Variants in PPP6R1 observed in about 807,000 individuals in gnomAD.
The protein encoded by PPP6R1 is serine/threonine-protein phosphatase 6 regulatory subunit 1.
PPP6R1 carries 39 observed loss-of-function variants against 104.6 expected under a neutral mutation model. The observed-to-expected ratio is 0.37, with a 90% CI of 0.29 to 0.49. PPP6R1 has a LOEUF of 0.49. PPP6R1 is among the 20% of genes least tolerant of loss of function. The pLI, the probability that PPP6R1 is intolerant of heterozygous loss-of-function variation, is 0.98. For synonymous variants in PPP6R1, 549 were observed against 479.0 expected (o/e 1.15, Z -1.91); for missense variants, 1,181 against 1,155.8 (o/e 1.02, Z -0.32).
chr19:55,229,741 C>T (rs2087321683), downstream of PPP6R1: 1 of 152,272 alleles, frequency 6.6e-6, no homozygotes, highest in African/African-American at 2.4e-5. Context: ...ACAGGCTCCC[C>T]ACCCCGCATC....
chr19:55,239,939 G>C (rs751134724), intron 12 of PPP6R1, 28 bp from the exon 13 acceptor site: 6 of 1,613,210 alleles, frequency 3.7e-6, no homozygotes, highest in Non-Finnish European at 5.1e-6. Context: ...GTGAAGACGT[G>C]AGGCATCTCG....
chr19:55,242,340 A>G, intron 6 of PPP6R1, 36 bp downstream of exon 6: 1 of 1,612,008 alleles, frequency 6.2e-7, no homozygotes, highest in Non-Finnish European at 8.5e-7. Context: ...TCCCCAAGTC[A>G]GCTCCCCCCA....
intron 5 of PPP6R1, among the ~76,000 whole-genome samples, chr19:55,244,073 A>G (rs918513181): frequency 1.3e-5 from 2 of 152,232 alleles, no homozygotes; most frequent in African/African-American, 4.8e-5. Context: ...AAGCTGCTAC[A>G]AAAGAGAGAA....
In PPP6R1 at chr19:55,236,946, G is replaced by C; in HGVS notation, c.1776C>G (p.Asn592Lys). The C allele has an allele frequency of 6.2e-7, 1 of 1,613,262 alleles. No homozygotes were observed. The highest frequency in any genetic ancestry group is 8.5e-7 in the Non-Finnish European group (1 of 1,179,216). ...CGTCAGCATTGAGGGAGAAGGTGAT[G>C]TTGGCTGTCTTGTCAAAAGGTGCGC... ...SVNAPFDKTA[N>K]ITFSLNADDE... Residue 592 changes from asparagine to lysine, a missense_variant, in exon 16 of 24, where the codon AAC (asparagine) becomes AAG (lysine). This residue lies in a region of PPP6R1 where 1,042 missense variants were observed against 955.6 expected (regional missense o/e 1.09). Coordinates refer to ENST00000412770, the MANE Select transcript of PPP6R1 (RefSeq NM_014931.4).
At chr19:55,231,734 G>C in intron 19 of PPP6R1, 66 bp from the exon 20 acceptor site, 3 of 1,505,326 alleles carry the variant, frequency 2.0e-6, no homozygotes, top group Non-Finnish European at 2.7e-6. Context: ...TGAGAGGACG[G>C]GGACCCCATG....
At chr19:55,251,781 C>A (rs2087555468) in intron 1 of PPP6R1, among the ~76,000 whole-genome samples, 1 of 152,174 alleles carries the variant, frequency 6.6e-6, no homozygotes, top group Non-Finnish European at 1.5e-5. Flanking sequence ...AGGTGACTCA[C>A]CAGCGTGCTG....
chr19:55,240,816 C>G, intron 10 of PPP6R1, 129 bp downstream of exon 10: 1 of 1,326,332 alleles, frequency 7.5e-7, no homozygotes, highest in East Asian at 2.5e-5. Flanking sequence ...CACACCCCAT[C>G]TGGGCGCTGG....
chr19:55,255,726 G>C (rs953905428), intron 1 of PPP6R1: 1 of 152,526 alleles, frequency 6.6e-6, no homozygotes, highest in South Asian at 2.1e-4. Flanking sequence ...GCCCTCAGCC[G>C]GGGCTGGGCT....
chr19:55,230,269 TTCTC>T lies in PPP6R1; in HGVS notation c.*255_*258del. On this transcript the variant is annotated 3_prime_UTR_variant, in exon 24 of 24. Coordinates refer to ENST00000412770, the MANE Select transcript of PPP6R1 (RefSeq NM_014931.4). ...TCTCTATATAATATATAATATATGT[TTCTC>T]TCTCTCCATTCTCTCTATTTGACTC... 3.5e-6 allele frequency: 2 copies of T among 571,286 alleles called. No homozygotes were observed. The highest frequency in any genetic ancestry group is 4.3e-5 in the South Asian group (2 of 46,572). 35.4% of individuals were successfully genotyped at this position (571,286 alleles called of 1,614,324 possible).
chr19:55,228,396 G>A (rs1568940655), downstream of PPP6R1: 1 of 1,613,694 alleles, frequency 6.2e-7, no homozygotes, highest in Middle Eastern at 1.6e-4. Flanking sequence ...ACACGCAGCA[G>A]GAGAGGATGA....
chr19:55,246,003 C>T (rs2087504986), intron 2 of PPP6R1, among the ~76,000 whole-genome samples: 1 of 152,164 alleles, frequency 6.6e-6, no homozygotes, highest in Non-Finnish European at 1.5e-5. Flanking sequence ...CTTGCAACCC[C>T]GTATGCTGCC....
At position 55,246,885 on chromosome 19, in the gene PPP6R1, C is replaced by T; in HGVS notation, c.219G>A (p.Leu73=). The change falls in exon 2 of 24, where the codon CTG becomes CTA. Residue 73 remains leucine, a synonymous_variant. Coordinates refer to ENST00000412770, the MANE Select transcript of PPP6R1 (RefSeq NM_014931.4). ...QEPPDSGEER[L]RYKYPSVACE... ...GGAGCTGGGGAACTCACTTGTAGCG[C>T]AGCCGCTCCTCACCGCTATCTGGCG... is the stretch of plus-strand genomic sequence containing the variant. The T allele has an allele frequency of 6.2e-7, 1 of 1,600,534 alleles. No individual in the cohort carries two copies. Among genetic ancestry groups the T allele is most frequent in the Non-Finnish European group, 8.5e-7 (1 of 1,172,918 alleles).
intron 1 of PPP6R1, among the ~76,000 whole-genome samples, 193 bp downstream of exon 1, chr19:55,258,242 A>G (rs1244918805): frequency 6.6e-6 from 1 of 152,060 alleles, no homozygotes; most frequent in African/African-American, 2.4e-5. Flanking sequence ...TGAAGAGATT[A>G]AGAGACTGGG....
rs1017313528 is a variant in PPP6R1, at chr19:55,258,731, G to C, written c.-303C>G. On this transcript the variant is annotated 5_prime_UTR_variant, in exon 1 of 24. Transcript: ENST00000412770. Reference sequence around the variant, plus strand: ...TCCGGGGTCCGCAGGCGAGGTGGGCGTGCGGGCCGAGGCGGGTTGGCGAGC... The same window carrying C: ...TCCGGGGTCCGCAGGCGAGGTGGGCCTGCGGGCCGAGGCGGGTTGGCGAGC... 2 of 151,794 alleles carry C rather than the reference G, an allele frequency of 1.3e-5. No individual in the cohort carries two copies. Among genetic ancestry groups the C allele is most frequent in the Admixed American group, 1.3e-4 (2 of 15,264 alleles). 9.4% of individuals were successfully genotyped at this position (151,794 alleles called of 1,614,324 possible).
rs1376847985 is a variant in PPP6R1 at position 55,231,505 on chromosome 19, G to A, written c.2378-14C>T. ...CCTGGCAAGGGGCTGTGGGGGATAA[G>A]AGATCTCAGCTGCAGCTCCCAGCAA... On this transcript the variant is annotated splice_polypyrimidine_tract_variant and intron_variant, in intron 20 of 23. Transcript: ENST00000412770. The A allele has an allele frequency of 6.2e-7, 1 of 1,603,572 alleles. No homozygotes were observed. The highest frequency in any genetic ancestry group is 8.5e-7 in the Non-Finnish European group (1 of 1,174,794).
At position 55,230,595 on chromosome 19, in the gene PPP6R1, G is replaced by C; in HGVS notation, c.2642+18C>G. On this transcript the variant is annotated intron_variant, in intron 23 of 23. Transcript: ENST00000412770. ...GCCCAGCCCCACCTACCCAGCCCGA[G>C]GCTGCAGCCACACTCACTGGGAGCC... 6.2e-7 allele frequency: 1 copy of C among 1,612,682 alleles called. No individual in the cohort carries two copies. The highest frequency in any genetic ancestry group is 8.5e-7 in the Non-Finnish European group (1 of 1,179,426).
At chr19:55,240,853 G>C in intron 10 of PPP6R1, 92 bp downstream of exon 10, 1 of 1,487,712 alleles carries the variant, frequency 6.7e-7, no homozygotes, top group Non-Finnish European at 9.1e-7. Context: ...ACAAACACTT[G>C]TGGGAGGAAG....
chr19:55,242,100 C>T, intron 7 of PPP6R1, 66 bp downstream of exon 7: 1 of 1,483,426 alleles, frequency 6.7e-7, no homozygotes, highest in African/African-American at 1.4e-5. Context: ...CCGAGACCCG[C>T]CTCTGAGGGG....
rs1052875459 is a variant in PPP6R1, at chr19:55,242,114, G to A, written c.845+52C>T. 9 of 1,528,002 alleles carry A rather than the reference G, an allele frequency of 5.9e-6. No individual in the cohort carries two copies. The African/African-American group carries it at 8.2e-5, about 14-fold the overall frequency. 94.7% of individuals were successfully genotyped at this position (1,528,002 alleles called of 1,614,324 possible). ...ACCGAGACCCGCCTCTGAGGGGCCG[G>A]AGAGCCCCTGGGGATGGGCAGCATG... On this transcript the variant is annotated intron_variant, in intron 7 of 23. Coordinates refer to ENST00000412770, the MANE Select transcript of PPP6R1 (RefSeq NM_014931.4).
Sources: allele counts gnomAD v4.1 joint callset (sites outside exome capture counted in the v4.1 genomes callset), GRCh38; gene constraint gnomAD v4.1.1; regional missense constraint gnomAD v4.1.1; transcripts MANE v1.5; gene names NCBI Gene and HGNC (gene_info 2026-07-23, HGNC 2026-07-21).